PEPD: variants seen among roughly 807,000 people sequenced by gnomAD.
PEPD encodes the protein xaa-Pro dipeptidase.
PEPD carries 53 observed loss-of-function variants against 60.7 expected under a neutral mutation model. The ratio of observed to expected loss-of-function variants is 0.87; its 90% CI spans 0.70 to 1.10. The LOEUF (loss-of-function observed/expected upper bound fraction) is 1.10. PEPD is among the 50% of genes least tolerant of loss of function. The pLI is 0.00. For missense variants in PEPD, 711 were observed against 711.9 expected (o/e 1.00, Z 0.01); for synonymous variants, 267 against 284.1 (o/e 0.94, Z 0.60).
At chr19:33,449,906 A>G (rs1568477873) in intron 9 of PEPD, among the ~76,000 whole-genome samples, 1 of 152,186 alleles carries the variant, frequency 6.6e-6, no homozygotes, top group South Asian at 2.1e-4. Context: ...GCAGGACCCA[A>G]GGGGATGAAT....
chr19:33,500,884 G>T, intron 4 of PEPD, 54 bp downstream of exon 4: 1 of 994,262 alleles, frequency 1.0e-6, no homozygotes, highest in Non-Finnish European at 1.6e-6. Context: ...AACTCCAGGA[G>T]TGGAAGGCAT....
chr19:33,504,714 G>C (rs1482573624), intron 3 of PEPD, among the ~76,000 whole-genome samples: 1 of 151,944 alleles, frequency 6.6e-6, no homozygotes, highest in East Asian at 1.9e-4. Flanking sequence ...AGCCGAGATC[G>C]TGCCATTGTA....
chr19:33,480,831 T>TGC (rs1442734274), intron 6 of PEPD, among the ~76,000 whole-genome samples: 1 of 128,466 alleles, frequency 7.8e-6, no homozygotes, highest in Non-Finnish European at 1.7e-5. Flanking sequence ...TGTGTGTGTG[T>TGC]GTGTGTGTGT....
intron 9 of PEPD, among the ~76,000 whole-genome samples, chr19:33,437,218 C>T (rs1969394723): frequency 6.6e-6 from 1 of 152,134 alleles, no homozygotes; most frequent in South Asian, 2.1e-4. Context: ...ATGTTAGTGT[C>T]TCAAAACAGT....
intron 11 of PEPD, 88 bp downstream of exon 11, chr19:33,411,584 A>G (rs535311406): frequency 2.8e-5 from 21 of 760,318 alleles, no homozygotes; most frequent in South Asian, 2.7e-4. Flanking sequence ...CAGGACAGGG[A>G]CCCAGAGGCT....
chr19:33,471,862 T>C (rs1323821044), intron 7 of PEPD, among the ~76,000 whole-genome samples: 1 of 151,356 alleles, frequency 6.6e-6, no homozygotes, highest in African/African-American at 2.4e-5. Context: ...CTACAAAACA[T>C]TTAAAAATCA....
At chr19:33,517,373 A>G (rs1971041463) in intron 1 of PEPD, among the ~76,000 whole-genome samples, 1 of 151,992 alleles carries the variant, frequency 6.6e-6, no homozygotes, top group East Asian at 1.9e-4. Context: ...CACCTGGCCA[A>G]CATGGTGAGC....
intron 1 of PEPD, among the ~76,000 whole-genome samples, chr19:33,517,845 T>C (rs929126431): frequency 2.7e-5 from 4 of 150,534 alleles, no homozygotes; most frequent in Non-Finnish European, 5.9e-5. Context: ...TGGGCACCTG[T>C]AATCCCAGCT....
At position 33,448,778 on chromosome 19, in the gene PEPD, C is replaced by G. The variant is rs78947289; in HGVS notation, c.671+14217G>C. On this transcript the variant is annotated intron_variant, in intron 9 of 14. Coordinates refer to ENST00000244137, the MANE Select transcript of PEPD (RefSeq NM_000285.4). ...ACCACGCTGCTGCTCTGTGGAAATT[C>G]CAGCCCACGGTTACCAGCTACTCTG... 6.5e-3 allele frequency among the ~76,000 whole-genome samples: 995 copies of G among 152,214 alleles called. 11 individuals carry two copies. The highest frequency in any genetic ancestry group is 0.022 in the African/African-American group (933 of 41,526).
chr19:33,508,529 G>A (rs1970857720), intron 3 of PEPD, among the ~76,000 whole-genome samples: 1 of 152,232 alleles, frequency 6.6e-6, no homozygotes, highest in African/African-American at 2.4e-5. Flanking sequence ...CGAGAGGACA[G>A]CAAAGCTCTG....
chr19:33,511,213 C>T (rs1449427678), intron 2 of PEPD, 58 bp from the exon 3 acceptor site: 59 of 1,597,338 alleles, frequency 3.7e-5, no homozygotes, highest in Non-Finnish European at 4.7e-5. Flanking sequence ...AAGGAGGGAC[C>T]GGTGGCTGCA....
intron 7 of PEPD, among the ~76,000 whole-genome samples, chr19:33,476,319 G>A (rs1446644281): frequency 6.6e-6 from 1 of 152,090 alleles, no homozygotes; most frequent in African/African-American, 2.4e-5. Context: ...TCCACCCCCA[G>A]CTCAGCCCTC....
In PEPD at chr19:33,387,581, C is replaced by T. The variant is rs1166526638; in HGVS notation, c.1345-100G>A. On this transcript the variant is annotated intron_variant, in intron 14 of 14. Coordinates refer to ENST00000244137, the MANE Select transcript of PEPD (RefSeq NM_000285.4). ...GGCCCACCCCACCATGGGATGGGAGCAGCTGACACTCCCTGGGAGACGGGT... is the reference window on the plus strand; with the variant it reads ...GGCCCACCCCACCATGGGATGGGAGTAGCTGACACTCCCTGGGAGACGGGT... 3.4e-6 allele frequency: 5 copies of T among 1,458,516 alleles called. No individual in the cohort carries two copies. In the South Asian group the frequency reaches 4.6e-5, roughly 13 times the overall value. 90.3% of individuals were successfully genotyped at this position (1,458,516 alleles called of 1,614,324 possible). A position where few individuals can be genotyped will look rare whatever the true frequency, so the allele number is the denominator to read the frequency against.
chr19:33,442,723 T>G (rs187943414), intron 9 of PEPD, among the ~76,000 whole-genome samples: 88 of 151,588 alleles, frequency 5.8e-4, no homozygotes, highest in African/African-American at 2.1e-3. Context: ...AATAAATAAA[T>G]TAATTAAATA....
chr19:33,479,202 A>T (rs1407418320), intron 6 of PEPD, among the ~76,000 whole-genome samples: 1 of 152,182 alleles, frequency 6.6e-6, no homozygotes, highest in African/African-American at 2.4e-5. Flanking sequence ...GCTAAAACAT[A>T]CAGAAAAGGA....
intron 12 of PEPD, among the ~76,000 whole-genome samples, chr19:33,399,548 T>C (rs546265073): frequency 6.6e-6 from 1 of 151,998 alleles, no homozygotes; most frequent in South Asian, 2.1e-4. Flanking sequence ...CAGCCTCTGG[T>C]GGGGGCTCTG....
chr19:33,469,364 G>T (rs1383605158), intron 7 of PEPD, among the ~76,000 whole-genome samples: 1 of 152,144 alleles, frequency 6.6e-6, no homozygotes, highest in Non-Finnish European at 1.5e-5. Flanking sequence ...CCCCAGCTCT[G>T]CCGTGAGCTG....
At chr19:33,426,824 A>G in intron 9 of PEPD, among the ~76,000 whole-genome samples, 1 of 152,182 alleles carries the variant, frequency 6.6e-6, no homozygotes. Flanking sequence ...CCTGTGAAAG[A>G]CGTCTCCTCT....
intron 3 of PEPD, among the ~76,000 whole-genome samples, chr19:33,504,785 C>T (rs1280064486): frequency 6.6e-6 from 1 of 151,864 alleles, no homozygotes; most frequent in African/African-American, 2.4e-5. Flanking sequence ...AAAGAAATTA[C>T]TGGACTGGGG....
Sources: gnomAD v4.1 joint callset for allele counts (sites outside exome capture counted in the v4.1 genomes callset) on GRCh38, gnomAD v4.1.1 for gene constraint, MANE v1.5 for transcripts, NCBI Gene and HGNC (gene_info 2026-07-23, HGNC 2026-07-21) for gene names.